Variants in MCTP1 observed in about 807,000 individuals in gnomAD.
MCTP1 encodes multiple C2 and transmembrane domain containing 1.
Under a neutral mutation model 120.6 loss-of-function variants are expected in MCTP1, and 69 were observed. That is an observed-to-expected ratio of 0.57 (90% CI 0.47 to 0.70). The LOEUF is 0.70. MCTP1 is among the 30% of genes least tolerant of loss of function. MCTP1 has a pLI of 0.00. For missense variants in MCTP1, 1,203 were observed against 1,248.8 expected (o/e 0.96, Z 0.55); for synonymous variants, 529 against 493.1 (o/e 1.07, Z -0.96).
At chr5:95,230,656 C>G (rs1172794079) in intron 1 of MCTP1, among the ~76,000 whole-genome samples, 2 of 152,116 alleles carry the variant, frequency 1.3e-5, no homozygotes, top group Non-Finnish European at 2.9e-5. Context: ...TTGGCAATGA[C>G]CTTGAGCAGC....
At chr5:95,137,766 C>A (rs900639453) in intron 1 of MCTP1, among the ~76,000 whole-genome samples, 48 of 152,100 alleles carry the variant, frequency 3.2e-4, no homozygotes, top group African/African-American at 1.0e-3. Flanking sequence ...TGGAATAAAG[C>A]AAACATCATA....
intron 19 of MCTP1, among the ~76,000 whole-genome samples, chr5:94,772,706 AAC>A (rs1411853458): frequency 6.6e-6 from 1 of 152,210 alleles, no homozygotes; most frequent in East Asian, 1.9e-4. Context: ...CCTAGAAATA[AAC>A]AGTCTCTAGC....
At chr5:94,924,080 G>A (rs1812391357) in intron 6 of MCTP1, 59 bp from the exon 7 acceptor site, 3 of 983,780 alleles carry the variant, frequency 3.0e-6, no homozygotes, top group Admixed American at 2.9e-5. Context: ...AATTAATATT[G>A]TAAATACAAA....
At chr5:95,203,828 A>T (rs1272899743) in intron 1 of MCTP1, among the ~76,000 whole-genome samples, 1 of 152,238 alleles carries the variant, frequency 6.6e-6, no homozygotes, top group Non-Finnish European at 1.5e-5. Context: ...CATGCCTCTT[A>T]ATGCAAAATT....
intron 12 of MCTP1, among the ~76,000 whole-genome samples, chr5:94,875,707 T>C (rs1450719292): frequency 6.6e-6 from 1 of 152,000 alleles, no homozygotes; most frequent in Non-Finnish European, 1.5e-5. Flanking sequence ...ATATTATTAT[T>C]TGACGCTGAA....
intron 2 of MCTP1, among the ~76,000 whole-genome samples, chr5:95,015,845 G>GTA (rs1301248955): frequency 2.0e-5 from 3 of 151,810 alleles, no homozygotes; most frequent in African/African-American, 4.8e-5. Flanking sequence ...ATAAATTATT[G>GTA]TATATATATG....
At chr5:95,100,878 TAACA>T (rs148825532) in intron 1 of MCTP1, among the ~76,000 whole-genome samples, 2 of 152,298 alleles carry the variant, frequency 1.3e-5, no homozygotes, top group East Asian at 3.9e-4. Flanking sequence ...CAAAACAAAC[TAACA>T]GTTTATCAAA....
chr5:95,276,216 G>A (rs1200307774), intron 1 of MCTP1, among the ~76,000 whole-genome samples: 3 of 149,880 alleles, frequency 2.0e-5, no homozygotes, highest in Admixed American at 2.0e-4. Context: ...GAATGAACCA[G>A]GCTAGTGAGG....
chr5:95,150,875 T>C lies in MCTP1; in HGVS notation c.720+132981A>G, dbSNP rs145473164. 3.2e-3 allele frequency among the ~76,000 whole-genome samples: 482 copies of C among 152,264 alleles called. 1 individual carries two copies. The highest frequency in any genetic ancestry group is 0.011 in the African/African-American group (462 of 41,544). On this transcript the variant is annotated intron_variant, in intron 1 of 22. Coordinates refer to ENST00000515393, the MANE Select transcript of MCTP1 (RefSeq NM_024717.7). ...AAAAACTTAATTACTAGTAACCTAC[T>C]GTTGACTAGAAGCCTTATCAATAAC...
chr5:94,770,429 G>GA (rs1773796112), intron 19 of MCTP1, among the ~76,000 whole-genome samples: 1 of 152,208 alleles, frequency 6.6e-6, no homozygotes, highest in Admixed American at 6.5e-5. Context: ...ACTCTTAAAT[G>GA]AAAGTTCTTT....
chr5:95,032,751 T>C (rs2151779701), intron 1 of MCTP1, among the ~76,000 whole-genome samples: 1 of 151,932 alleles, frequency 6.6e-6, no homozygotes, highest in African/African-American at 2.4e-5. Context: ...CAGAACTAAA[T>C]GAAATTTAGA....
intron 3 of MCTP1, among the ~76,000 whole-genome samples, chr5:94,947,076 T>A (rs1819125682): frequency 6.6e-6 from 1 of 152,184 alleles, no homozygotes; most frequent in South Asian, 2.1e-4. Context: ...TTCCAGCATC[T>A]CTGGAATCTG....
At chr5:95,140,917 G>C (rs1049922988) in intron 1 of MCTP1, among the ~76,000 whole-genome samples, 1 of 142,344 alleles carries the variant, frequency 7.0e-6, no homozygotes, top group Non-Finnish European at 1.5e-5. Flanking sequence ...GCCATTTAAC[G>C]AGAATGTACT....
chr5:95,259,797 C>A (rs547218210), intron 1 of MCTP1, among the ~76,000 whole-genome samples: 1 of 152,286 alleles, frequency 6.6e-6, no homozygotes, highest in Non-Finnish European at 1.5e-5. Context: ...GCCACCGGTA[C>A]AATCCTGCTT....
chr5:95,243,221 GA>G (rs1008402045), intron 1 of MCTP1, among the ~76,000 whole-genome samples: 1 of 151,858 alleles, frequency 6.6e-6, no homozygotes, highest in African/African-American at 2.4e-5. Flanking sequence ...ATTTAAAATA[GA>G]AAAAAAGAGG....
At chr5:94,942,488 A>T (rs1561896395) in intron 3 of MCTP1, 61 bp from the exon 4 acceptor site, 3 of 1,195,778 alleles carry the variant, frequency 2.5e-6, no homozygotes, top group Non-Finnish European at 2.5e-6. Context: ...TTTATGTGAT[A>T]ATGTCTTGGT....
At chr5:95,026,567 T>G (rs1205148330) in intron 1 of MCTP1, among the ~76,000 whole-genome samples, 1 of 152,156 alleles carries the variant, frequency 6.6e-6, no homozygotes, top group Admixed American at 6.5e-5. Flanking sequence ...CCGGCTTATT[T>G]CGCTTAACAA....
intron 17 of MCTP1, among the ~76,000 whole-genome samples, chr5:94,853,249 ATTCT>A (rs1794097686): frequency 1.3e-5 from 2 of 151,946 alleles, no homozygotes; most frequent in Admixed American, 1.3e-4. Flanking sequence ...AACAATTTAT[ATTCT>A]TACATTGAAT....
At chr5:95,230,836 C>CT (rs929290017) in intron 1 of MCTP1, among the ~76,000 whole-genome samples, 49 of 152,072 alleles carry the variant, frequency 3.2e-4, no homozygotes, top group African/African-American at 1.1e-3. Context: ...CCCCACACAC[C>CT]TTTTTTTTAA....
Sources: gnomAD v4.1 joint callset for allele counts (sites outside exome capture counted in the v4.1 genomes callset) on GRCh38, gnomAD v4.1.1 for gene constraint, MANE v1.5 for transcripts, NCBI Gene and HGNC (gene_info 2026-07-23, HGNC 2026-07-21) for gene names.